GCA: variants seen among roughly 807,000 people sequenced by gnomAD.
GCA encodes the protein grancalcin, EF-hand calcium-binding protein.
GCA carries 30 observed loss-of-function variants against 32.6 expected under a neutral mutation model. The observed-to-expected ratio is 0.92, with a 90% CI of 0.69 to 1.25. GCA has a LOEUF of 1.25. GCA is among the 50% of genes most tolerant of loss of function. The pLI, the probability that GCA is intolerant of heterozygous loss-of-function variation, is 0.00. For missense variants in GCA, 291 were observed against 266.8 expected, an observed-to-expected ratio of 1.09 and a Z score of -0.63; for synonymous variants, 102 against 84.6, an observed-to-expected ratio of 1.21 and a Z score of -1.13.
At chr2:162,325,506 C>T (rs990324916) in intron 1 of GCA, among the ~76,000 whole-genome samples, 4 of 152,124 alleles carry the variant, frequency 2.6e-5, no homozygotes, top group South Asian at 2.1e-4. Flanking sequence ...TTTATCAAGG[C>T]CTCTCCAGGA....
chr2:162,321,935 C>G, intron 1 of GCA, among the ~76,000 whole-genome samples: 1 of 70,292 alleles, frequency 1.4e-5, no homozygotes, highest in African/African-American at 8.8e-5. Flanking sequence ...TATATATATA[C>G]ACACATACAT....
At chr2:162,344,377 G>T in intron 1 of GCA, 102 bp downstream of exon 1, 2 of 1,123,422 alleles carry the variant, frequency 1.8e-6, no homozygotes, top group Non-Finnish European at 1.3e-6. Flanking sequence ...TGCTCCCTGC[G>T]TCCGCGCCTG....
chr2:162,361,914 CG>C lies in GCA; in HGVS notation c.*1672del. ...TTAACATCCAGGTTATACAGATGGT[CG>C]TTACTGAACTATTCTGCGGTCGATT... On this transcript the variant is annotated 3_prime_UTR_variant, in exon 8 of 8. Transcript: ENST00000437150. The C allele has an allele frequency of 3.0e-6, 3 of 984,456 alleles. No homozygotes were observed. The highest frequency in any genetic ancestry group is 3.6e-6 in the Non-Finnish European group (3 of 829,306). 61.0% of individuals were successfully genotyped at this position (984,456 alleles called of 1,614,324 possible).
downstream of GCA, chr2:162,371,961 C>T (rs1685965140): frequency 1.2e-6 from 2 of 1,613,854 alleles, no homozygotes; most frequent in Non-Finnish European, 1.7e-6. Flanking sequence ...GCAGGTGAAG[C>T]TCTAAAGAGA....
At chr2:162,328,492 T>C (rs111862459) in intron 1 of GCA, among the ~76,000 whole-genome samples, 2 of 152,164 alleles carry the variant, frequency 1.3e-5, no homozygotes, top group African/African-American at 2.4e-5. Context: ...CACACTCACC[T>C]TCTAAGATCC....
downstream of GCA, chr2:162,371,999 T>G (rs1185931695): frequency 1.2e-6 from 2 of 1,613,760 alleles, no homozygotes; most frequent in South Asian, 1.1e-5. Context: ...AAAAGTGAAG[T>G]CAAGTTGTCT....
chr2:162,328,419 C>G (rs1683964720), intron 1 of GCA, among the ~76,000 whole-genome samples: 1 of 151,854 alleles, frequency 6.6e-6, no homozygotes, highest in African/African-American at 2.4e-5. Flanking sequence ...GAGCCTCTTA[C>G]TCATAGGAAA....
intron 3 of GCA, among the ~76,000 whole-genome samples, chr2:162,353,711 C>G (rs1685114018): frequency 6.6e-6 from 1 of 152,112 alleles, no homozygotes; most frequent in Admixed American, 6.5e-5. Context: ...AGATCTTTGT[C>G]TTTAGTATTC....
At chr2:162,329,365 A>G (rs1303942358) in intron 1 of GCA, among the ~76,000 whole-genome samples, 10 of 152,216 alleles carry the variant, frequency 6.6e-5, no homozygotes, top group Admixed American at 6.5e-4. Flanking sequence ...TTATTGAAAT[A>G]TTGAGATAAA....
At chr2:162,327,051 C>A (rs1289568691) in intron 1 of GCA, among the ~76,000 whole-genome samples, 1 of 152,124 alleles carries the variant, frequency 6.6e-6, no homozygotes, top group East Asian at 1.9e-4. Flanking sequence ...GTTCCCTGGG[C>A]CTGTTTATTC....
intron 1 of GCA, among the ~76,000 whole-genome samples, chr2:162,320,562 C>T (rs950658462): frequency 4.6e-5 from 7 of 152,176 alleles, no homozygotes; most frequent in Non-Finnish European, 1.0e-4. Context: ...CTTCATACCA[C>T]TTAATTGTTG....
At chr2:162,353,182 A>C (rs1455792521) in intron 3 of GCA, among the ~76,000 whole-genome samples, 1 of 152,162 alleles carries the variant, frequency 6.6e-6, no homozygotes, top group Non-Finnish European at 1.5e-5. Context: ...TATAAAAAAA[A>C]AATACGGCCA....
chr2:162,363,573 T>G (rs1282540050), downstream of GCA, among the ~76,000 whole-genome samples: 1 of 151,408 alleles, frequency 6.6e-6, no homozygotes, highest in Non-Finnish European at 1.5e-5. Flanking sequence ...GGTCATCATA[T>G]AGTACATATA....
At chr2:162,327,618 G>A (rs1683931635) in intron 1 of GCA, among the ~76,000 whole-genome samples, 1 of 152,148 alleles carries the variant, frequency 6.6e-6, no homozygotes, top group South Asian at 2.1e-4. Flanking sequence ...GGCTTTTGGG[G>A]TCAGCCTTTG....
intron 1 of GCA, among the ~76,000 whole-genome samples, chr2:162,337,881 T>C (rs1684320020): frequency 6.6e-6 from 1 of 152,208 alleles, no homozygotes; most frequent in African/African-American, 2.4e-5. Context: ...CACTGGTGAT[T>C]GTGTAGTGAA....
Position 162,362,143 on chromosome 2 carries a change from C to T in GCA, c.*1900C>T. ...ATGGCCAAACATATTTAGAAACTCT[C>T]ACTTTCTAAAGCTTGACAAGGTATA... is the stretch of plus-strand genomic sequence containing the variant. On this transcript the variant is annotated 3_prime_UTR_variant, in exon 8 of 8. Transcript: ENST00000437150. 3 of 984,478 alleles carry T rather than the reference C, an allele frequency of 3.0e-6. No homozygotes were observed. The highest frequency in any genetic ancestry group is 3.6e-6 in the Non-Finnish European group (3 of 829,320). 61.0% of individuals were successfully genotyped at this position (984,478 alleles called of 1,614,324 possible). A position where few individuals can be genotyped will look rare whatever the true frequency, so the allele number is the denominator to read the frequency against.
At chr2:162,335,319 G>A (rs1420617829) in intron 1 of GCA, among the ~76,000 whole-genome samples, 1 of 151,532 alleles carries the variant, frequency 6.6e-6, no homozygotes, top group Non-Finnish European at 1.5e-5. Flanking sequence ...GGAGGCTGAG[G>A]CAGGAGAATC....
chr2:162,368,270 A>G (rs1685818502), intron 4 of GCA, among the ~76,000 whole-genome samples: 4 of 149,038 alleles, frequency 2.7e-5, no homozygotes, highest in Admixed American at 2.7e-4. Flanking sequence ...TTTACTGTAA[A>G]AATATAACTT....
chr2:162,361,983 C>A lies in GCA; in HGVS notation c.*1740C>A. On this transcript the variant is annotated 3_prime_UTR_variant, in exon 8 of 8. Coordinates refer to ENST00000437150, the MANE Select transcript of GCA (RefSeq NM_012198.5). The stretch of plus-strand genomic sequence containing the variant: ...TTGGAGGCTCACAGTTGAGGTAAAA[C>A]TTTTAAAATGACAAATGGTATTATT... 1 of 982,292 alleles carries A rather than the reference C, an allele frequency of 1.0e-6. No individual in the cohort carries two copies. The highest frequency in any genetic ancestry group is 1.2e-6 in the Non-Finnish European group (1 of 827,540). 60.8% of individuals were successfully genotyped at this position (982,292 alleles called of 1,614,324 possible).
Sources: gnomAD v4.1 joint callset for allele counts (sites outside exome capture counted in the v4.1 genomes callset) on GRCh38, gnomAD v4.1.1 for gene constraint, MANE v1.5 for transcripts, NCBI Gene and HGNC (gene_info 2026-07-23, HGNC 2026-07-21) for gene names.